Variants in NEBL observed in about 807,000 individuals in gnomAD.
NEBL encodes the protein nebulette.
NEBL carries 122 observed loss-of-function variants against 140.2 expected under a neutral mutation model. That is an observed-to-expected ratio of 0.87 (90% CI 0.75 to 1.01). The LOEUF is 1.01. Among genes scored for constraint, NEBL ranks in the 50% least tolerant of loss-of-function variants. The pLI, the probability that NEBL is intolerant of heterozygous loss-of-function variation, is 0.00. For missense variants in NEBL, 1,365 were observed against 1,231.3 expected, an observed-to-expected ratio of 1.11 and a Z score of -1.62; for synonymous variants, 436 against 398.9, an observed-to-expected ratio of 1.09 and a Z score of -1.11.
chr10:21,275,031 C>T (rs1037958469), intron 1 of NEBL, among the ~76,000 whole-genome samples: 4 of 151,978 alleles, frequency 2.6e-5, no homozygotes, highest in Admixed American at 1.3e-4. Context: ...ATGAAGTTCA[C>T]GCCTGTGTTG....
chr10:21,277,479 G>A (rs1842939558), intron 1 of NEBL, among the ~76,000 whole-genome samples: 1 of 152,046 alleles, frequency 6.6e-6, no homozygotes, highest in Admixed American at 6.6e-5. Context: ...CAAAGTGCTG[G>A]GATTACAGGC....
At chr10:20,786,920 G>C (rs576737958) in intron 27 of NEBL, among the ~76,000 whole-genome samples, 1 of 152,076 alleles carries the variant, frequency 6.6e-6, no homozygotes, top group South Asian at 2.1e-4. Context: ...GAGCATAATC[G>C]GCTAGTACCA....
intron 2 of NEBL, among the ~76,000 whole-genome samples, chr10:21,037,836 G>C (rs1834080602): frequency 6.7e-6 from 1 of 150,230 alleles, no homozygotes; most frequent in Non-Finnish European, 1.5e-5. Context: ...TAGACAAAAT[G>C]AGAGAAAAGT....
chr10:21,174,057 C>A, exon 1 of NEBL: 1 of 1,090,732 alleles, frequency 9.2e-7, no homozygotes, highest in South Asian at 4.4e-5. Context: ...CGCTGGGTCT[C>A]GGCTCCGGCT....
chr10:21,245,114 T>C (rs1842499084), intron 3 of NEBL, among the ~76,000 whole-genome samples: 1 of 151,770 alleles, frequency 6.6e-6, no homozygotes, highest in South Asian at 2.1e-4. Flanking sequence ...CTGTGAGCTA[T>C]GATCATGTTA....
chr10:20,973,247 C>CTT lies in NEBL; in HGVS notation c.250-11470_250-11469dup, dbSNP rs201974015. 1.0e-2 allele frequency among the ~76,000 whole-genome samples: 1,387 copies of CTT among 139,386 alleles called. 24 individuals carry two copies. The highest frequency in any genetic ancestry group is 0.034 in the African/African-American group (1,316 of 38,492). 91.4% of individuals were successfully genotyped at this position (139,386 alleles called of 152,430 possible). On this transcript the variant is annotated intron_variant, in intron 3 of 6. Coordinates refer to the NEBL transcript ENST00000417816. ...TGTAAAAAAGATATTTTACCTTTTT[C>CTT]TTTTTTTTTTTTTTTAAGAGACAGA...
chr10:21,132,239 T>C (rs909220369), intron 2 of NEBL, among the ~76,000 whole-genome samples: 2 of 152,200 alleles, frequency 1.3e-5, no homozygotes, highest in Admixed American at 6.5e-5. Flanking sequence ...TCATATCATA[T>C]GTGGCCTTTA....
intron 2 of NEBL, among the ~76,000 whole-genome samples, chr10:21,062,150 A>G (rs947567665): frequency 6.6e-6 from 1 of 152,218 alleles, no homozygotes; most frequent in Non-Finnish European, 1.5e-5. Context: ...CTTATATTTT[A>G]TGTGCCAAGT....
chr10:21,226,788 C>T (rs1375489789), intron 3 of NEBL, among the ~76,000 whole-genome samples: 1 of 152,172 alleles, frequency 6.6e-6, no homozygotes, highest in Admixed American at 6.5e-5. Flanking sequence ...CTGTCTTTCC[C>T]ACCCTCTTCA....
chr10:21,055,537 C>A (rs995285968), intron 2 of NEBL, among the ~76,000 whole-genome samples: 1 of 152,156 alleles, frequency 6.6e-6, no homozygotes, highest in African/African-American at 2.4e-5. Flanking sequence ...TACCATTCTG[C>A]ATGTAACCAC....
At chr10:20,809,723 G>C (rs1837942182) in intron 25 of NEBL, 83 bp downstream of exon 25, 1 of 1,118,994 alleles carries the variant, frequency 8.9e-7, no homozygotes, top group South Asian at 1.2e-5. Context: ...ACATTACACA[G>C]TACAATGAAC....
intron 2 of NEBL, among the ~76,000 whole-genome samples, chr10:21,056,825 A>C (rs116593439): frequency 0.017 from 2,571 of 152,294 alleles, 77 homozygotes; most frequent in East Asian, 0.099. Flanking sequence ...AGGAAATTAT[A>C]ACCACAAAAT....
At chr10:21,223,493 T>C (rs1258220206) in intron 3 of NEBL, among the ~76,000 whole-genome samples, 2 of 152,252 alleles carry the variant, frequency 1.3e-5, no homozygotes, top group East Asian at 1.9e-4. Flanking sequence ...CTATTACAAA[T>C]AGTGCTGCAA....
At chr10:21,238,217 A>C (rs1842385583) in intron 3 of NEBL, among the ~76,000 whole-genome samples, 1 of 152,204 alleles carries the variant, frequency 6.6e-6, no homozygotes, top group African/African-American at 2.4e-5. Context: ...GGAGAAAGTC[A>C]AGGAAGTATA....
intron 26 of NEBL, among the ~76,000 whole-genome samples, chr10:20,807,455 G>A (rs1339936962): frequency 1.3e-5 from 2 of 152,132 alleles, no homozygotes; most frequent in Admixed American, 6.5e-5. Context: ...TACACAAAAA[G>A]GAGACCTTTA....
chr10:20,867,746 G>A (rs551633903), intron 7 of NEBL: 7 of 152,066 alleles, frequency 4.6e-5, no homozygotes, highest in South Asian at 4.1e-4. Context: ...CATGACAGAC[G>A]GTGTGTTATG....
intron 3 of NEBL, among the ~76,000 whole-genome samples, chr10:20,982,136 G>A (rs1837073442): frequency 6.6e-6 from 1 of 152,138 alleles, no homozygotes; most frequent in African/African-American, 2.4e-5. Flanking sequence ...ACAGAAAAGT[G>A]GTTCAGAAAA....
At chr10:21,114,677 A>C (rs1838197744) in intron 2 of NEBL, among the ~76,000 whole-genome samples, 1 of 152,104 alleles carries the variant, frequency 6.6e-6, no homozygotes, top group Admixed American at 6.6e-5. Context: ...TTCCTTGCTC[A>C]GAAATATACG....
intron 4 of NEBL, among the ~76,000 whole-genome samples, chr10:20,949,282 A>G (rs1289445860): frequency 2.0e-5 from 3 of 151,996 alleles, no homozygotes; most frequent in African/African-American, 7.3e-5. Context: ...AACATCACAC[A>G]CTAGGGCCTG....
Sources: allele counts gnomAD v4.1 joint callset (sites outside exome capture counted in the v4.1 genomes callset), GRCh38; gene constraint gnomAD v4.1.1; transcripts MANE v1.5; gene names NCBI Gene and HGNC (gene_info 2026-07-23, HGNC 2026-07-21).